ARHGAP8: variants seen among roughly 807,000 people sequenced by gnomAD.
The protein encoded by ARHGAP8 is Rho GTPase activating protein 8.
A neutral mutation model predicts 46.1 loss-of-function variants in ARHGAP8; 62 were observed. The observed-to-expected ratio is 1.34, with a 90% CI of 1.10 to 1.66. The LOEUF (loss-of-function observed/expected upper bound fraction) is 1.66. ARHGAP8 is among the 40% of genes most tolerant of loss of function. ARHGAP8 has a pLI of 0.00. For synonymous variants in ARHGAP8, 375 were observed against 243.1 expected (o/e 1.54, Z -5.05); for missense variants, 923 against 568.4 (o/e 1.62, Z -6.34).
intron 1 of ARHGAP8, among the ~76,000 whole-genome samples, chr22:44,785,521 G>T (rs943788611): frequency 3.9e-5 from 6 of 152,096 alleles, no homozygotes; most frequent in African/African-American, 1.4e-4. Context: ...TGAGTCATTG[G>T]ATTCAGGGCC....
At position 44,859,755 on chromosome 22, in the gene ARHGAP8, C is replaced by A; in HGVS notation, c.902C>A (p.Thr301Asn). The A allele has an allele frequency of 1.2e-6, 2 of 1,613,986 alleles. No homozygotes were observed. The highest frequency in any genetic ancestry group is 1.7e-6 in the Non-Finnish European group (2 of 1,180,026). Residue 301 changes from threonine to asparagine, a missense_variant, in exon 11 of 12, where the codon ACT becomes AAT. Physicochemically the swap from Thr to Asn is moderately conservative, Grantham distance 65. Coordinates refer to ENST00000356099, the MANE Select transcript of ARHGAP8 (RefSeq NM_181335.3). Reference protein sequence around the residue: ...ITCVESSLRVTGCRQILRSLP... With the variant: ...ITCVESSLRVNGCRQILRSLP... ...GGTGTGGAGAGCAGCCTGCGTGTCA[C>A]TGGCTGCCGCCAGATCTTACGGAGC...
At chr22:44,819,999 G>A (rs1930014740) in intron 5 of ARHGAP8, among the ~76,000 whole-genome samples, 1 of 152,236 alleles carries the variant, frequency 6.6e-6, no homozygotes, top group Admixed American at 6.5e-5. Context: ...CCCATTGCCT[G>A]TGAGATCTTG....
chr22:44,754,593 C>T (rs756495548), intron 1 of ARHGAP8, among the ~76,000 whole-genome samples: 6 of 151,996 alleles, frequency 3.9e-5, no homozygotes, highest in Non-Finnish European at 8.8e-5. Context: ...TGACCTCAGA[C>T]GATTTGTCTG....
At chr22:44,858,921 T>TGTA (rs1429029576) in intron 10 of ARHGAP8, among the ~76,000 whole-genome samples, 2 of 151,752 alleles carry the variant, frequency 1.3e-5, no homozygotes, top group Non-Finnish European at 2.9e-5. Flanking sequence ...TTGTGGGCCT[T>TGTA]GTAGTCTCTG....
intron 1 of ARHGAP8, among the ~76,000 whole-genome samples, chr22:44,762,667 C>T (rs1925229158): frequency 6.6e-6 from 1 of 151,354 alleles, no homozygotes; most frequent in Admixed American, 6.6e-5. Flanking sequence ...CCTCAGCCTT[C>T]TGAGTAGCTG....
chr22:44,765,417 T>G (rs994039602), intron 1 of ARHGAP8: 1 of 152,234 alleles, frequency 6.6e-6, no homozygotes, highest in African/African-American at 2.4e-5. Flanking sequence ...ACGGAGGCTG[T>G]GTCGCTAGTG....
At chr22:44,791,464 G>T (rs1927682540) in intron 2 of ARHGAP8, among the ~76,000 whole-genome samples, 1 of 152,116 alleles carries the variant, frequency 6.6e-6, no homozygotes, top group Non-Finnish European at 1.5e-5. Context: ...AGCACTTTGG[G>T]GGGATGAGTC....
At chr22:44,831,789 G>T (rs970189596) in intron 7 of ARHGAP8, among the ~76,000 whole-genome samples, 1 of 152,154 alleles carries the variant, frequency 6.6e-6, no homozygotes, top group Admixed American at 6.6e-5. Flanking sequence ...TTATTTCTGG[G>T]CACTCTAATT....
intron 1 of ARHGAP8, among the ~76,000 whole-genome samples, chr22:44,753,789 G>A (rs1052975128): frequency 6.6e-6 from 1 of 152,192 alleles, no homozygotes; most frequent in South Asian, 2.1e-4. Flanking sequence ...CCGACTTCAG[G>A]GTTTTGTGAC....
intron 10 of ARHGAP8, among the ~76,000 whole-genome samples, chr22:44,851,644 G>C (rs900500423): frequency 1.3e-5 from 2 of 152,144 alleles, no homozygotes; most frequent in Non-Finnish European, 2.9e-5. Context: ...TTTGAGTCCA[G>C]CCTGGGAAAC....
At chr22:44,851,735 G>A (rs945760777) in intron 10 of ARHGAP8, among the ~76,000 whole-genome samples, 2 of 152,100 alleles carry the variant, frequency 1.3e-5, no homozygotes, top group Non-Finnish European at 2.9e-5. Context: ...AGCTGCTCAG[G>A]AGGCTGAGGT....
intron 2 of ARHGAP8, among the ~76,000 whole-genome samples, chr22:44,787,729 G>A (rs950980845): frequency 6.6e-6 from 1 of 152,044 alleles, no homozygotes; most frequent in Non-Finnish European, 1.5e-5. Context: ...CCTGCACTGA[G>A]CTCCATAATC....
At chr22:44,789,992 C>T (rs1450253340) in intron 2 of ARHGAP8, among the ~76,000 whole-genome samples, 4 of 152,156 alleles carry the variant, frequency 2.6e-5, no homozygotes, top group South Asian at 2.1e-4. Flanking sequence ...TATCACTAAA[C>T]GTTTTTTAAA....
intron 7 of ARHGAP8, among the ~76,000 whole-genome samples, chr22:44,839,972 C>T (rs994603219): frequency 1.3e-5 from 2 of 152,202 alleles, no homozygotes; most frequent in Non-Finnish European, 2.9e-5. Context: ...TATGTTCCTG[C>T]ACCTCTGGCC....
intron 7 of ARHGAP8, among the ~76,000 whole-genome samples, chr22:44,830,298 A>G (rs1053616278): frequency 2.6e-5 from 4 of 151,792 alleles, no homozygotes; most frequent in Middle Eastern, 3.2e-3. Context: ...TGCTGTGATT[A>G]CAGGCGTGAG....
rs887322316 is a variant in ARHGAP8, at chr22:44,846,938, C to T, written c.671-1035C>T. Among the ~76,000 whole-genome samples, 7 of 152,106 alleles carry T rather than the reference C, an allele frequency of 4.6e-5. No individual in the cohort carries two copies. The South Asian group carries it at 8.3e-4, about 18-fold the overall frequency. On this transcript the variant is annotated intron_variant, in intron 8 of 11. Coordinates refer to ENST00000356099, the MANE Select transcript of ARHGAP8 (RefSeq NM_181335.3). ...GGGCAGTGGAGCTGAGCTCTGAGGA[C>T]GGGGAGAAGCTGGCCATGCCGTGTG...
rs139963843 is a variant in ARHGAP8 at position 44,818,039 on chromosome 22, G to A, written c.386+3281G>A. On this transcript the variant is annotated intron_variant, in intron 5 of 11. Coordinates refer to ENST00000356099, the MANE Select transcript of ARHGAP8 (RefSeq NM_181335.3). ...TGAGGTGGGAGGATTGCTTGAGTTC[G>A]AGAGGCAGAGACTGAAGTGAGCTGA... 3.2e-4 allele frequency among the ~76,000 whole-genome samples: 48 copies of A among 152,166 alleles called. 1 individual carries two copies. The East Asian group carries it at 8.5e-3, about 27-fold the overall frequency.
chr22:44,810,386 C>T (rs929414788), intron 4 of ARHGAP8, among the ~76,000 whole-genome samples: 2 of 152,048 alleles, frequency 1.3e-5, no homozygotes, highest in African/African-American at 4.8e-5. Context: ...GGACTACAGG[C>T]GTGAGCCACC....
intron 10 of ARHGAP8, among the ~76,000 whole-genome samples, chr22:44,854,181 C>T (rs769118569): frequency 1.3e-5 from 2 of 151,094 alleles, no homozygotes; most frequent in East Asian, 1.9e-4. Flanking sequence ...CTCACTGTAA[C>T]GTCATACATA....
Sources: gnomAD v4.1 joint callset for allele counts (sites outside exome capture counted in the v4.1 genomes callset) on GRCh38, gnomAD v4.1.1 for gene constraint, MANE v1.5 for transcripts, NCBI Gene and HGNC (gene_info 2026-07-23, HGNC 2026-07-21) for gene names.